The following ADGRV1 variants were observed in gnomAD, a reference collection of about 807,000 sequenced individuals.
The protein encoded by ADGRV1 is G-protein coupled receptor 98.
Under a neutral mutation model 596.2 loss-of-function variants are expected in ADGRV1, and 359 were observed. The observed-to-expected ratio is 0.60, with a 90% confidence interval of 0.55 to 0.66. The LOEUF (loss-of-function observed/expected upper bound fraction) is 0.66, where lower values mean the gene tolerates loss of function less well. ADGRV1 is among the 30% of genes least tolerant of loss of function. ADGRV1 has a pLI of 0.00. For missense variants in ADGRV1, 7,274 were observed against 7,575.6 expected, an observed-to-expected ratio of 0.96 and a Z score of 1.48; for synonymous variants, 2,681 against 2,679.2, an observed-to-expected ratio of 1.00 and a Z score of -0.02.
chr5:90,924,244 C>A (rs1199794238), intron 83 of ADGRV1, among the ~76,000 whole-genome samples: 7 of 151,668 alleles, frequency 4.6e-5, no homozygotes, highest in Non-Finnish European at 1.0e-4. Flanking sequence ...TACAGTCCCA[C>A]CAACAGTGTA....
chr5:90,605,217 C>G (rs1336818453), intron 1 of ADGRV1, among the ~76,000 whole-genome samples: 1 of 152,096 alleles, frequency 6.6e-6, no homozygotes, highest in East Asian at 1.9e-4. Flanking sequence ...GAGATTGAGA[C>G]CATCCTGGCC....
At chr5:90,632,654 A>G (rs1460300270) in intron 9 of ADGRV1, among the ~76,000 whole-genome samples, 1 of 152,222 alleles carries the variant, frequency 6.6e-6, no homozygotes, top group Non-Finnish European at 1.5e-5. Flanking sequence ...TATAAACATG[A>G]CAATTAATTT....
chr5:90,595,108 G>T (rs1197515816), intron 1 of ADGRV1, among the ~76,000 whole-genome samples: 12 of 104,898 alleles, frequency 1.1e-4, no homozygotes, highest in Non-Finnish European at 1.4e-4. Context: ...CTGGCCGGGC[G>T]GGGGGCTGAC....
At chr5:90,819,482 T>C (rs1276398244) in intron 75 of ADGRV1, among the ~76,000 whole-genome samples, 1 of 150,358 alleles carries the variant, frequency 6.7e-6, no homozygotes, top group Non-Finnish European at 1.5e-5. Flanking sequence ...TGCTCTTGCT[T>C]TTCTAGTTCT....
intron 85 of ADGRV1, chr5:91,031,332 AC>A: frequency 7.7e-7 from 1 of 1,298,774 alleles, no homozygotes. Context: ...GCTAACAGAT[AC>A]AATCCCACTC....
intron 86 of ADGRV1, among the ~76,000 whole-genome samples, chr5:91,084,739 G>A (rs1214705994): frequency 7.2e-5 from 11 of 152,088 alleles, no homozygotes; most frequent in East Asian, 1.9e-4. Context: ...GTATATACCC[G>A]AAGGATTATA....
intron 16 of ADGRV1, among the ~76,000 whole-genome samples, chr5:90,646,473 G>A (rs1361233261): frequency 6.6e-6 from 1 of 151,608 alleles, no homozygotes; most frequent in Non-Finnish European, 1.5e-5. Flanking sequence ...GTTGGTTCAG[G>A]GCTAGATTAT....
intron 82 of ADGRV1, among the ~76,000 whole-genome samples, chr5:90,861,816 A>G (rs1767607950): frequency 6.6e-6 from 1 of 152,208 alleles, no homozygotes; most frequent in Non-Finnish European, 1.5e-5. Context: ...TAGAAACCTG[A>G]TAATTGAAAT....
intron 56 of ADGRV1, 111 bp downstream of exon 56, chr5:90,756,741 C>A: frequency 2.1e-6 from 2 of 931,538 alleles, no homozygotes; most frequent in Non-Finnish European, 3.2e-6. Context: ...GATAAATAAC[C>A]AAATTTGTCT....
intron 85 of ADGRV1, among the ~76,000 whole-genome samples, chr5:91,004,195 G>A (rs748523191): frequency 6.6e-6 from 1 of 152,120 alleles, no homozygotes; most frequent in Non-Finnish European, 1.5e-5. Flanking sequence ...TGATGAAAAA[G>A]CATCTAGGTG....
intron 87 of ADGRV1, among the ~76,000 whole-genome samples, chr5:91,137,110 A>C (rs1403823938): frequency 2.0e-5 from 3 of 152,104 alleles, no homozygotes; most frequent in African/African-American, 7.2e-5. Context: ...ATGTATATGA[A>C]ATTCTTGTTT....
Position 90,774,181 on chromosome 5 carries a change from T to G in ADGRV1, c.12286-5T>G. On this transcript the variant is annotated splice_polypyrimidine_tract_variant and splice_region_variant and intron_variant, in intron 59 of 89. Coordinates refer to ENST00000405460, the MANE Select transcript of ADGRV1 (RefSeq NM_032119.4). ...AAAATGCACTGTTTCTGTCATTGGA[T>G]GTAGACTGAGTCCCAGAAGACCATT... 6.4e-7 allele frequency: 1 copy of G among 1,555,696 alleles called. No homozygotes were observed. Among genetic ancestry groups the G allele is most frequent in the Non-Finnish European group, 8.8e-7 (1 of 1,131,138 alleles).
chr5:90,882,208 T>C (rs1447565145), intron 83 of ADGRV1, among the ~76,000 whole-genome samples: 1 of 152,232 alleles, frequency 6.6e-6, no homozygotes, highest in Non-Finnish European at 1.5e-5. Context: ...TGCTATACTA[T>C]AATTATTTTA....
intron 1 of ADGRV1, among the ~76,000 whole-genome samples, chr5:90,587,629 T>C (rs1014855902): frequency 4.7e-5 from 7 of 150,432 alleles, no homozygotes; most frequent in African/African-American, 1.7e-4. Flanking sequence ...CAATCTTCGC[T>C]CACTGCAACC....
In ADGRV1 at chr5:90,622,494, T is replaced by A. The variant is rs372102789; in HGVS notation, c.454-103T>A. ...CACATTCTTATCGTACAGTGTGGAT[T>A]GATGTGTCTGTGGAAATTGAGCGTT... On this transcript the variant is annotated intron_variant, in intron 4 of 89. Coordinates refer to ENST00000405460, the MANE Select transcript of ADGRV1 (RefSeq NM_032119.4). The A allele has an allele frequency of 1.4e-5, 6 of 434,654 alleles. No individual in the cohort carries two copies. The South Asian group carries it at 6.2e-4, about 45-fold the overall frequency. 26.9% of individuals were successfully genotyped at this position (434,654 alleles called of 1,614,324 possible). A position where few individuals can be genotyped will look rare whatever the true frequency, so the allele number is the denominator to read the frequency against.
At chr5:90,711,356 C>A in intron 41 of ADGRV1, 34 bp downstream of exon 41, 2 of 1,522,568 alleles carry the variant, frequency 1.3e-6, no homozygotes, top group Non-Finnish European at 1.8e-6. Flanking sequence ...ATGACTTTTA[C>A]AAATTATTTT....
rs745642201 is a variant in ADGRV1, at chr5:90,690,862, A to G, written c.6772A>G (p.Ile2258Val). The change falls in exon 31 of 90, where the codon ATA becomes GTA. Residue 2258 changes from isoleucine to valine, a missense_variant. Ile to Val is a conservative substitution (Grantham distance 29). Coordinates refer to ENST00000405460, the MANE Select transcript of ADGRV1 (RefSeq NM_032119.4). ...TAACTCAGTGAAGGTAAACCTGCCA[A>G]TAATTCGAAATTCTGGGACACTCGG... ...EFNSVKVNLP[I>V]IRNSGTLGNV... is the part of the protein sequence containing the mutation. The G allele has an allele frequency of 1.1e-5, 17 of 1,611,238 alleles. No homozygotes were observed. The highest frequency in any genetic ancestry group is 3.3e-5 in the South Asian group (3 of 90,752).
chr5:90,757,048 C>G lies in ADGRV1; in HGVS notation c.11827C>G (p.Arg3943Gly), dbSNP rs762677981. The change falls in exon 57 of 90, where the codon CGG becomes GGG. Residue 3943 changes from arginine (R) to glycine (G), a missense_variant. Transcript: ENST00000405460. ...GAACGTTCTTCAAGTTCCTGTAGTC[C>G]GGCTGGCTGGAAGCTTTGGGGCAGT... ...PLNVLQVPVV[R>G]LAGSFGAVNV... The G allele has an allele frequency of 1.3e-4, 211 of 1,613,614 alleles. No homozygotes were observed. Among genetic ancestry groups the G allele is most frequent in the Admixed American group, 2.0e-4 (12 of 59,994 alleles).
chr5:90,785,844 G>A (rs533172437), intron 67 of ADGRV1, among the ~76,000 whole-genome samples: 73 of 152,274 alleles, frequency 4.8e-4, no homozygotes, highest in African/African-American at 1.7e-3. Flanking sequence ...ACAGTGTGGC[G>A]ATTCCTCAAG....
Sources: allele counts gnomAD v4.1 joint callset (sites outside exome capture counted in the v4.1 genomes callset), GRCh38; gene constraint gnomAD v4.1.1; transcripts MANE v1.5; gene names NCBI Gene and HGNC (gene_info 2026-07-23, HGNC 2026-07-21).